SYNDIG1: variants seen among roughly 807,000 people sequenced by gnomAD.
SYNDIG1 encodes synapse differentiation inducing 1, also known as synapse differentiation-inducing gene protein 1.
A neutral mutation model predicts 19.4 loss-of-function variants in SYNDIG1; 9 were observed. That is an observed-to-expected ratio of 0.46 (90% CI 0.28 to 0.81). The LOEUF (loss-of-function observed/expected upper bound fraction) is 0.81, where lower values mean the gene tolerates loss of function less well. Among genes scored for constraint, SYNDIG1 ranks in the 30% least tolerant of loss-of-function variants. The probability of loss-of-function intolerance (pLI) is 0.12; values close to 1 mark genes in which losing one functional copy is unlikely to be tolerated. For synonymous variants in SYNDIG1, 141 were observed against 145.9 expected, an observed-to-expected ratio of 0.97 and a Z score of 0.24; for missense variants, 311 against 343.3, an observed-to-expected ratio of 0.91 and a Z score of 0.74.
intron 1 of SYNDIG1, among the ~76,000 whole-genome samples, chr20:24,479,998 C>G (rs2055751344): frequency 6.6e-6 from 1 of 152,236 alleles, no homozygotes; most frequent in African/African-American, 2.4e-5. Context: ...TCCATGGTCC[C>G]ACACGTGCAC....
At chr20:24,518,859 A>G (rs1163456623) in intron 1 of SYNDIG1, among the ~76,000 whole-genome samples, 1 of 152,208 alleles carries the variant, frequency 6.6e-6, no homozygotes, top group Non-Finnish European at 1.5e-5. Context: ...CCTGGTGACA[A>G]CAACGAGGAC....
chr20:24,649,410 A>G (rs2059448861), intron 3 of SYNDIG1, among the ~76,000 whole-genome samples: 1 of 152,008 alleles, frequency 6.6e-6, no homozygotes, highest in African/African-American at 2.4e-5. Flanking sequence ...TTTGTGTTTT[A>G]TTGGGTTTGA....
chr20:24,484,775 A>G (rs1030505775), intron 1 of SYNDIG1, among the ~76,000 whole-genome samples: 2 of 152,192 alleles, frequency 1.3e-5, no homozygotes, highest in Non-Finnish European at 2.9e-5. Flanking sequence ...ATCTAGATCT[A>G]TTTGTTTAAC....
intron 1 of SYNDIG1, among the ~76,000 whole-genome samples, chr20:24,480,169 C>T (rs2055757275): frequency 2.6e-5 from 4 of 152,188 alleles, no homozygotes; most frequent in Admixed American, 2.6e-4. Context: ...TCTAGGTGTC[C>T]TTGGCACCTG....
chr20:24,615,797 A>T (rs1164313085), intron 3 of SYNDIG1, among the ~76,000 whole-genome samples: 1 of 149,364 alleles, frequency 6.7e-6, no homozygotes, highest in Admixed American at 7.0e-5. Flanking sequence ...CTCAGAGAAC[A>T]TGGGATTCTT....
intron 3 of SYNDIG1, among the ~76,000 whole-genome samples, chr20:24,615,837 A>T (rs1003539721): frequency 1.4e-5 from 1 of 68,994 alleles, no homozygotes; most frequent in Non-Finnish European, 3.0e-5. Flanking sequence ...CACCTCCCCC[A>T]CCCGCCCCTC....
intron 3 of SYNDIG1, among the ~76,000 whole-genome samples, chr20:24,630,451 A>T (rs1257443225): frequency 1.3e-5 from 2 of 152,230 alleles, no homozygotes; most frequent in Non-Finnish European, 2.9e-5. Flanking sequence ...AGAAATGTCC[A>T]CAAAGAGAGA....
At chr20:24,636,444 T>A (rs2059317096) in intron 3 of SYNDIG1, among the ~76,000 whole-genome samples, 2 of 151,708 alleles carry the variant, frequency 1.3e-5, no homozygotes, top group Non-Finnish European at 2.9e-5. Context: ...GTACATGGGG[T>A]TTTATAGACT....
chr20:24,602,396 G>A (rs1157913006), intron 3 of SYNDIG1, among the ~76,000 whole-genome samples: 2 of 152,354 alleles, frequency 1.3e-5, no homozygotes, highest in Non-Finnish European at 2.9e-5. Flanking sequence ...GCTCCGAGGT[G>A]AAGCAGAACT....
chr20:24,527,448 T>A lies in SYNDIG1; in HGVS notation c.-78-15572T>A, dbSNP rs572391137. Among the ~76,000 whole-genome samples, 31 of 152,270 alleles carry A rather than the reference T, an allele frequency of 2.0e-4. 1 individual carries two copies. The South Asian group carries it at 6.4e-3, about 32-fold the overall frequency. On this transcript the variant is annotated intron_variant, in intron 1 of 3. Transcript: ENST00000376862. ...CATGAACAATTGTTCTATACTTTCT[T>A]CTCACTATAAAAATATGTAAAGTCC...
At chr20:24,516,721 G>T (rs1174399728) in intron 1 of SYNDIG1, among the ~76,000 whole-genome samples, 1 of 152,202 alleles carries the variant, frequency 6.6e-6, no homozygotes, top group Admixed American at 6.5e-5. Context: ...CTGTTGGTTG[G>T]ACTGTAAACT....
At chr20:24,509,975 G>T (rs1201243733) in intron 1 of SYNDIG1, among the ~76,000 whole-genome samples, 1 of 152,032 alleles carries the variant, frequency 6.6e-6, no homozygotes, top group Non-Finnish European at 1.5e-5. Context: ...AGATCTGGTG[G>T]TTTAAAGGTG....
At chr20:24,647,627 G>A (rs147746055) in intron 3 of SYNDIG1, among the ~76,000 whole-genome samples, 35 of 152,074 alleles carry the variant, frequency 2.3e-4, no homozygotes, top group Admixed American at 2.0e-4. Flanking sequence ...ACCAGATGGA[G>A]CAGGTGACAC....
chr20:24,609,485 G>A (rs1308848032), intron 3 of SYNDIG1, among the ~76,000 whole-genome samples: 5 of 152,194 alleles, frequency 3.3e-5, no homozygotes, highest in Non-Finnish European at 5.9e-5. Context: ...TGGAAGCTTT[G>A]CATTGTGGCA....
At chr20:24,581,542 C>A (rs1237991868) in intron 2 of SYNDIG1, among the ~76,000 whole-genome samples, 1 of 151,994 alleles carries the variant, frequency 6.6e-6, no homozygotes, top group African/African-American at 2.4e-5. Flanking sequence ...GCAGAGATAG[C>A]CCCTTCTGAA....
rs573147912 is a variant in SYNDIG1 at position 24,617,021 on chromosome 20, A to T, written c.618+32028A>T. ...TCTGGAGGTATCTGCCCGCTTCCACAGCCCTCTGCGGCACCCGTGCACTCT... is the reference window on the plus strand; with the variant it reads ...TCTGGAGGTATCTGCCCGCTTCCACTGCCCTCTGCGGCACCCGTGCACTCT... On this transcript the variant is annotated intron_variant, in intron 3 of 3. Coordinates refer to ENST00000376862, the MANE Select transcript of SYNDIG1 (RefSeq NM_024893.3). 1.1e-4 allele frequency among the ~76,000 whole-genome samples: 16 copies of T among 152,250 alleles called. 1 individual carries two copies. In the South Asian group the frequency reaches 2.5e-3, roughly 24 times the overall value.
chr20:24,548,023 A>AG (rs1323984678), intron 2 of SYNDIG1, among the ~76,000 whole-genome samples: 1 of 152,168 alleles, frequency 6.6e-6, no homozygotes, highest in Admixed American at 6.5e-5. Flanking sequence ...TGAAGGAAGA[A>AG]GGGGGAAGGG....
chr20:24,640,385 G>C (rs1292562917), intron 3 of SYNDIG1, among the ~76,000 whole-genome samples: 1 of 150,338 alleles, frequency 6.7e-6, no homozygotes, highest in Non-Finnish European at 1.5e-5. Context: ...GGGAGGAAGG[G>C]AGGGAGAAAA....
intron 1 of SYNDIG1, among the ~76,000 whole-genome samples, chr20:24,521,666 G>A (rs1231618406): frequency 6.6e-6 from 1 of 152,114 alleles, no homozygotes; most frequent in East Asian, 1.9e-4. Flanking sequence ...GGGAGACCGA[G>A]GAGGGTGGAT....
Sources: allele counts gnomAD v4.1 joint callset (sites outside exome capture counted in the v4.1 genomes callset), GRCh38; gene constraint gnomAD v4.1.1; transcripts MANE v1.5; gene names NCBI Gene and HGNC (gene_info 2026-07-23, HGNC 2026-07-21).